Variants in MICAL2 observed in about 807,000 individuals in gnomAD.
MICAL2 encodes microtubule associated monooxygenase, calponin and LIM domain containing 2, also known as [F-actin]-monooxygenase MICAL2.
A neutral mutation model predicts 127.3 loss-of-function variants in MICAL2; 77 were observed. The ratio of observed to expected loss-of-function variants is 0.60; its 90% CI spans 0.50 to 0.73. The LOEUF is 0.73. Ranked by LOEUF, MICAL2 falls within the 30% of genes least tolerant of loss-of-function variation. The probability of loss-of-function intolerance (pLI) is 0.00; values close to 1 mark genes in which losing one functional copy is unlikely to be tolerated. For missense variants in MICAL2, 1,351 were observed against 1,434.4 expected (o/e 0.94, Z 0.94); for synonymous variants, 570 against 551.1 (o/e 1.03, Z -0.48).
intron 26 of MICAL2, chr11:12,260,737 C>T (rs1434184544): frequency 4.1e-6 from 4 of 985,500 alleles, no homozygotes; most frequent in East Asian, 1.1e-4. Flanking sequence ...ATTCAACTTA[C>T]AGAAGCACGG....
chr11:12,337,048 C>T (rs969099510), intron 32 of MICAL2, among the ~76,000 whole-genome samples: 17 of 152,228 alleles, frequency 1.1e-4, no homozygotes, highest in Admixed American at 3.9e-4. Flanking sequence ...CTCCTTGTAC[C>T]TCTGGTAGAA....
chr11:12,187,948 C>T (rs180949175), intron 3 of MICAL2, among the ~76,000 whole-genome samples: 3 of 152,228 alleles, frequency 2.0e-5, no homozygotes, highest in Admixed American at 2.0e-4. Flanking sequence ...ACTGCTAGGA[C>T]CCCAGAGGTT....
downstream of MICAL2, among the ~76,000 whole-genome samples, chr11:12,292,748 C>T (rs1467935252): frequency 6.6e-6 from 1 of 152,172 alleles, no homozygotes; most frequent in Non-Finnish European, 1.5e-5. Flanking sequence ...TGGACTCTTT[C>T]CTTCTGTATG....
intron 3 of MICAL2, among the ~76,000 whole-genome samples, chr11:12,164,331 G>C (rs1397545790): frequency 6.6e-6 from 1 of 152,198 alleles, no homozygotes; most frequent in Non-Finnish European, 1.5e-5. Context: ...TTTCACATGT[G>C]AGATAACCCA....
rs1386209754 is a variant in MICAL2 at position 12,242,441 on chromosome 11, C to G, written c.2556+9C>G. ...AGGAAAAGATTCTCCAGGTGAGAGA[C>G]TCACTTTTTGCCCGTCTCTGTCCGT... On this transcript the variant is annotated intron_variant, in intron 19 of 27. Coordinates refer to ENST00000683283, the MANE Select transcript of MICAL2 (RefSeq NM_001282663.2). 2 of 1,593,404 alleles carry G rather than the reference C, an allele frequency of 1.3e-6. No homozygotes were observed. Among genetic ancestry groups the G allele is most frequent in the African/African-American group, 2.7e-5 (2 of 74,314 alleles).
At chr11:12,208,176 A>G (rs961523826) in intron 5 of MICAL2, 37 bp downstream of exon 5, 6 of 1,476,198 alleles carry the variant, frequency 4.1e-6, no homozygotes, top group African/African-American at 1.4e-5. Flanking sequence ...TAGAAAGCAG[A>G]TACTACAAAA....
At chr11:12,189,481 G>C (rs552011112) in intron 3 of MICAL2, among the ~76,000 whole-genome samples, 149 of 152,280 alleles carry the variant, frequency 9.8e-4, no homozygotes, top group Non-Finnish European at 1.9e-3. Flanking sequence ...GTTGGTACAT[G>C]GGTAGGATCA....
intron 29 of MICAL2, among the ~76,000 whole-genome samples, chr11:12,313,728 C>G (rs1172820861): frequency 6.6e-6 from 1 of 151,392 alleles, no homozygotes; most frequent in Non-Finnish European, 1.5e-5. Context: ...TTTATTTTGT[C>G]TGGTTTTTCT....
intron 29 of MICAL2, among the ~76,000 whole-genome samples, chr11:12,304,693 C>T: frequency 7.2e-6 from 1 of 138,394 alleles, no homozygotes; most frequent in African/African-American, 2.6e-5. Context: ...CACACACACA[C>T]AAAACATTCT....
intron 31 of MICAL2, among the ~76,000 whole-genome samples, chr11:12,325,497 G>T (rs570876099): frequency 6.6e-6 from 1 of 152,200 alleles, no homozygotes; most frequent in South Asian, 2.1e-4. Flanking sequence ...TTAAACAACA[G>T]AAACTTATTT....
At chr11:12,314,281 G>A (rs918141555) in intron 29 of MICAL2, among the ~76,000 whole-genome samples, 4 of 150,700 alleles carry the variant, frequency 2.7e-5, no homozygotes, top group South Asian at 2.1e-4. Context: ...TAATTAATCC[G>A]GAATTTAAAA....
At chr11:12,313,501 A>G (rs1002497788) in intron 29 of MICAL2, among the ~76,000 whole-genome samples, 15 of 152,318 alleles carry the variant, frequency 9.8e-5, no homozygotes, top group Admixed American at 9.1e-4. Flanking sequence ...TGTGTGACTT[A>G]AGTCCTTTGA....
intron 1 of MICAL2, among the ~76,000 whole-genome samples, chr11:12,124,183 T>C (rs1159049305): frequency 1.3e-5 from 2 of 152,178 alleles, no homozygotes; most frequent in Non-Finnish European, 2.9e-5. Context: ...AGTGCAGCCC[T>C]GTTCCATTGA....
chr11:12,319,237 G>A (rs1040766670), intron 29 of MICAL2, among the ~76,000 whole-genome samples: 2 of 152,082 alleles, frequency 1.3e-5, no homozygotes, highest in South Asian at 2.1e-4. Flanking sequence ...GCTGTGAGCC[G>A]CAGAAGGGCG....
At chr11:12,345,068 C>T (rs1402962627) in intron 32 of MICAL2, among the ~76,000 whole-genome samples, 3 of 150,162 alleles carry the variant, frequency 2.0e-5, no homozygotes, top group African/African-American at 4.9e-5. Flanking sequence ...GCCGAGATTG[C>T]GCCACTGCAC....
upstream of MICAL2, among the ~76,000 whole-genome samples, chr11:12,275,642 T>C (rs1055099396): frequency 1.3e-5 from 2 of 152,322 alleles, no homozygotes; most frequent in Admixed American, 1.3e-4. Context: ...AGAACTGAGA[T>C]GTTACCACTG....
At chr11:12,312,952 G>C (rs1864190547) in intron 29 of MICAL2, among the ~76,000 whole-genome samples, 1 of 152,014 alleles carries the variant, frequency 6.6e-6, no homozygotes, top group Non-Finnish European at 1.5e-5. Context: ...GGATCACAAG[G>C]TCAGGAGATC....
intron 32 of MICAL2, among the ~76,000 whole-genome samples, chr11:12,335,637 G>A (rs1415624951): frequency 6.6e-6 from 1 of 152,166 alleles, no homozygotes; most frequent in African/African-American, 2.4e-5. Flanking sequence ...TGTATAAGGT[G>A]TAAGGAAGGG....
intron 3 of MICAL2, among the ~76,000 whole-genome samples, chr11:12,198,896 C>CTCGT (rs1305677458): frequency 6.6e-6 from 1 of 152,220 alleles, no homozygotes; most frequent in East Asian, 1.9e-4. Context: ...ACCTGGCTTG[C>CTCGT]TCGTTCCTTG....
Sources: allele counts gnomAD v4.1 joint callset (sites outside exome capture counted in the v4.1 genomes callset), GRCh38; gene constraint gnomAD v4.1.1; transcripts MANE v1.5; gene names NCBI Gene and HGNC (gene_info 2026-07-23, HGNC 2026-07-21).